ATRNL1: variants seen among roughly 807,000 people sequenced by gnomAD.
ATRNL1 encodes attractin like 1.
A neutral mutation model predicts 182.7 loss-of-function variants in ATRNL1; 95 were observed. The observed-to-expected ratio is 0.52, with a 90% confidence interval of 0.44 to 0.62. The LOEUF is 0.62. Among genes scored for constraint, ATRNL1 ranks in the 20% least tolerant of loss-of-function variants. The probability of loss-of-function intolerance (pLI) is 0.00; values close to 1 mark genes in which losing one functional copy is unlikely to be tolerated. For missense variants in ATRNL1, 1,471 were observed against 1,679.5 expected, an observed-to-expected ratio of 0.88 and a Z score of 2.17; for synonymous variants, 576 against 568.3, an observed-to-expected ratio of 1.01 and a Z score of -0.19.
intron 18 of ATRNL1, 74 bp from the exon 19 acceptor site, chr10:115,334,208 C>T: frequency 1.0e-6 from 1 of 999,272 alleles, no homozygotes; most frequent in Non-Finnish European, 1.4e-6. Flanking sequence ...TTTTAAGATA[C>T]ATTCTTTGTT....
chr10:115,330,152 C>T (rs1554934592), intron 18 of ATRNL1, among the ~76,000 whole-genome samples: 1 of 152,030 alleles, frequency 6.6e-6, no homozygotes, highest in African/African-American at 2.4e-5. Context: ...AGGAAAAACC[C>T]ACTCTATTCT....
intron 27 of ATRNL1, among the ~76,000 whole-genome samples, chr10:115,822,579 T>TA (rs201384055): frequency 6.6e-6 from 1 of 151,612 alleles, no homozygotes; most frequent in Non-Finnish European, 1.5e-5. Flanking sequence ...ACAGACACAA[T>TA]AAAAAATGAT....
intron 26 of ATRNL1, among the ~76,000 whole-genome samples, chr10:115,584,456 C>A (rs1555009123): frequency 3.5e-5 from 5 of 141,710 alleles, no homozygotes; most frequent in South Asian, 5.2e-4. Flanking sequence ...AGAGATTCAA[C>A]TTCTTCTTGG....
chr10:115,327,838 A>G (rs1480058391), intron 18 of ATRNL1, among the ~76,000 whole-genome samples: 24 of 152,178 alleles, frequency 1.6e-4, no homozygotes, highest in African/African-American at 5.5e-4. Flanking sequence ...CGCAAGAATA[A>G]AAAACCAAAC....
intron 28 of ATRNL1, among the ~76,000 whole-genome samples, chr10:115,916,379 A>G (rs973044799): frequency 6.6e-6 from 1 of 152,250 alleles, no homozygotes; most frequent in East Asian, 1.9e-4. Context: ...AGTCAAGTCA[A>G]TATAGCCTTG....
At chr10:115,547,646 C>G (rs1212140562) in intron 25 of ATRNL1, among the ~76,000 whole-genome samples, 1 of 151,828 alleles carries the variant, frequency 6.6e-6, no homozygotes, top group Non-Finnish European at 1.5e-5. Context: ...GGAATGTAAC[C>G]TATATTCATT....
chr10:115,865,112 A>G (rs540039330), intron 28 of ATRNL1, among the ~76,000 whole-genome samples: 1 of 152,314 alleles, frequency 6.6e-6, no homozygotes, highest in African/African-American at 2.4e-5. Flanking sequence ...AATACATTGG[A>G]GTCTAATAAC....
At chr10:115,306,198 T>C (rs1209124102) in intron 17 of ATRNL1, among the ~76,000 whole-genome samples, 7 of 152,172 alleles carry the variant, frequency 4.6e-5, no homozygotes, top group African/African-American at 7.2e-5. Context: ...CATTGGTAAA[T>C]AATCTTTAGT....
At chr10:115,904,644 TA>T (rs548560625) in intron 28 of ATRNL1, among the ~76,000 whole-genome samples, 2 of 152,222 alleles carry the variant, frequency 1.3e-5, no homozygotes, top group Non-Finnish European at 2.9e-5. Context: ...GTCATGTTTC[TA>T]AAAGACAGCA....
At chr10:115,308,126 C>T (rs1554926777) in intron 17 of ATRNL1, among the ~76,000 whole-genome samples, 1 of 152,020 alleles carries the variant, frequency 6.6e-6, no homozygotes, top group African/African-American at 2.4e-5. Context: ...TAGGATTTTG[C>T]AATATTCTCC....
intron 27 of ATRNL1, among the ~76,000 whole-genome samples, chr10:115,733,960 T>C (rs181302783): frequency 2.6e-4 from 39 of 152,264 alleles, no homozygotes; most frequent in Non-Finnish European, 5.3e-4. Flanking sequence ...ATATTTGTAT[T>C]TTTACAAAAT....
chr10:115,883,487 C>A (rs1210999876), intron 28 of ATRNL1, among the ~76,000 whole-genome samples: 1 of 152,178 alleles, frequency 6.6e-6, no homozygotes, highest in African/African-American at 2.4e-5. Context: ...ATCTAAATAA[C>A]CATCAATAAC....
intron 10 of ATRNL1, among the ~76,000 whole-genome samples, chr10:115,243,855 A>G (rs1004385818): frequency 1.1e-4 from 16 of 152,224 alleles, no homozygotes; most frequent in Middle Eastern, 6.8e-3. Flanking sequence ...ACAATTCAAC[A>G]TAGGTTAAAA....
Position 115,805,553 on chromosome 10 carries a change from C to T in ATRNL1, c.3904-42324C>T, listed in dbSNP as rs538995683. On this transcript the variant is annotated intron_variant, in intron 27 of 28. Transcript: ENST00000355044. ...CTCCATGACAGCATCACCTACTTGA[C>T]TCTGTTATACTAAGAGTTCAGTGAG... Among the ~76,000 whole-genome samples, 8 of 151,940 alleles carry T rather than the reference C, an allele frequency of 5.3e-5. No homozygotes were observed. In the East Asian group the frequency reaches 1.3e-3, roughly 26 times the overall value.
At chr10:115,827,848 A>G (rs782152803) in intron 27 of ATRNL1, among the ~76,000 whole-genome samples, 1 of 152,164 alleles carries the variant, frequency 6.6e-6, no homozygotes, top group Non-Finnish European at 1.5e-5. Context: ...CAATGAAATC[A>G]TGGCTAAAGA....
intron 24 of ATRNL1, among the ~76,000 whole-genome samples, chr10:115,507,987 G>T (rs1219977736): frequency 2.6e-5 from 4 of 152,166 alleles, no homozygotes; most frequent in South Asian, 4.1e-4. Flanking sequence ...GCACTTCAGA[G>T]ATGTTGTAGT....
intron 19 of ATRNL1, among the ~76,000 whole-genome samples, chr10:115,358,453 G>T (rs1856598331): frequency 6.7e-6 from 1 of 149,458 alleles, no homozygotes; most frequent in Non-Finnish European, 1.5e-5. Flanking sequence ...TTTATTTTTT[G>T]CAATTTACAT....
Position 115,220,711 on chromosome 10 carries a change from G to A in ATRNL1, c.1532+4831G>A, listed in dbSNP as rs574905112. On this transcript the variant is annotated intron_variant, in intron 9 of 28. Transcript: ENST00000355044. ...TGGGAAAGAGGTGTGGACAGAAATG[G>A]TAAATAAAATAATGGGGGGGGGGGG... 2.4e-4 allele frequency among the ~76,000 whole-genome samples: 25 copies of A among 105,048 alleles called. 1 individual carries two copies. In the South Asian group the frequency reaches 8.4e-3, roughly 35 times the overall value. 68.9% of individuals were successfully genotyped at this position (105,048 alleles called of 152,430 possible).
At chr10:115,757,847 C>CTT (rs1314005509) in intron 27 of ATRNL1, among the ~76,000 whole-genome samples, 1 of 151,878 alleles carries the variant, frequency 6.6e-6, no homozygotes, top group African/African-American at 2.4e-5. Context: ...TTCTTGGAGG[C>CTT]TTTGTTCATT....
Sources: gnomAD v4.1 joint callset for allele counts (sites outside exome capture counted in the v4.1 genomes callset) on GRCh38, gnomAD v4.1.1 for gene constraint, MANE v1.5 for transcripts, NCBI Gene and HGNC (gene_info 2026-07-23, HGNC 2026-07-21) for gene names.